The following PCDH7 variants were observed in gnomAD, a reference collection of about 807,000 sequenced individuals.
PCDH7 encodes protocadherin 7, also known as protocadherin-7.
Under a neutral mutation model 58.9 loss-of-function variants are expected in PCDH7, and 17 were observed. That is an observed-to-expected ratio of 0.29 (90% CI 0.20 to 0.43). PCDH7 has a LOEUF of 0.43. PCDH7 is among the 20% of genes least tolerant of loss of function. The pLI, the probability that PCDH7 is intolerant of heterozygous loss-of-function variation, is 1.00. For synonymous variants in PCDH7, 664 were observed against 616.4 expected, an observed-to-expected ratio of 1.08 and a Z score of -1.14; for missense variants, 1,274 against 1,441.0, an observed-to-expected ratio of 0.88 and a Z score of 1.88.
chr4:30,963,226 A>G (rs752311124), intron 3 of PCDH7, among the ~76,000 whole-genome samples: 9 of 152,212 alleles, frequency 5.9e-5, no homozygotes, highest in African/African-American at 1.7e-4. Flanking sequence ...GTATAAAATA[A>G]CATGCTGTAT....
At chr4:30,877,037 C>T (rs75986487) in intron 1 of PCDH7, among the ~76,000 whole-genome samples, 1,848 of 152,044 alleles carry the variant, frequency 0.012, 31 homozygotes, top group Admixed American at 0.039. Flanking sequence ...TTCTTGTTTT[C>T]AATTTTTTTC....
intron 1 of PCDH7, among the ~76,000 whole-genome samples, chr4:30,806,180 A>C (rs191432115): frequency 6.6e-6 from 1 of 152,160 alleles, no homozygotes; most frequent in Non-Finnish European, 1.5e-5. Context: ...AATAAAATCC[A>C]GTCCCCCAAA....
chr4:31,055,412 AG>A (rs1343204165), intron 3 of PCDH7, among the ~76,000 whole-genome samples: 2 of 152,126 alleles, frequency 1.3e-5, no homozygotes, highest in East Asian at 3.9e-4. Flanking sequence ...CATCTACAAA[AG>A]CTTTGGTAGT....
At chr4:30,733,692 C>A (rs1413157376), downstream of PCDH7, among the ~76,000 whole-genome samples, 7 of 152,072 alleles carry the variant, frequency 4.6e-5, no homozygotes, top group African/African-American at 1.4e-4. Context: ...AGGAAAAGCA[C>A]CAGTTTACCA....
At chr4:30,970,553 A>G (rs1749494238) in intron 3 of PCDH7, among the ~76,000 whole-genome samples, 1 of 152,168 alleles carries the variant, frequency 6.6e-6, no homozygotes, top group South Asian at 2.1e-4. Context: ...TCGGCCTCCC[A>G]AAGTGCTGGG....
intron 1 of PCDH7, among the ~76,000 whole-genome samples, chr4:30,812,041 G>A (rs1345892478): frequency 6.6e-6 from 1 of 152,210 alleles, no homozygotes; most frequent in Non-Finnish European, 1.5e-5. Context: ...GCAAAAGTAT[G>A]TGAATGAAAA....
chr4:30,918,355 G>T (rs1270838139), intron 1 of PCDH7, among the ~76,000 whole-genome samples: 1 of 151,946 alleles, frequency 6.6e-6, no homozygotes, highest in African/African-American at 2.4e-5. Context: ...GGTGAGGGTT[G>T]GGAGAAAAGA....
intron 3 of PCDH7, among the ~76,000 whole-genome samples, chr4:31,098,641 T>C (rs1007979564): frequency 2.0e-5 from 3 of 152,166 alleles, no homozygotes; most frequent in African/African-American, 7.2e-5. Context: ...GATTGTATTA[T>C]AAACACACAA....
chr4:31,017,813 A>C (rs889794702), intron 3 of PCDH7, among the ~76,000 whole-genome samples: 2 of 152,178 alleles, frequency 1.3e-5, no homozygotes, highest in Non-Finnish European at 2.9e-5. Context: ...CTTTGAATAT[A>C]GATACAATGA....
intron 1 of PCDH7, among the ~76,000 whole-genome samples, chr4:30,894,477 AAAAAAAAAAAAAAATATATATAT>A (rs1314602723): frequency 1.3e-3 from 64 of 50,906 alleles, no homozygotes; most frequent in Non-Finnish European, 2.0e-3. Flanking sequence ...AAAAAAAAAA[AAAAAAAAAAAAAAATATATATAT>A]ATATATATAT....
intron 1 of PCDH7, among the ~76,000 whole-genome samples, chr4:30,823,050 C>T (rs1435731007): frequency 6.6e-6 from 1 of 152,140 alleles, no homozygotes; most frequent in African/African-American, 2.4e-5. Context: ...ATGAGCTTTG[C>T]ACGGATATTC....
intron 1 of PCDH7, among the ~76,000 whole-genome samples, chr4:30,850,712 G>A (rs890684183): frequency 6.6e-6 from 1 of 151,930 alleles, no homozygotes; most frequent in African/African-American, 2.4e-5. Context: ...CCTATTCCAC[G>A]GCTGGACACT....
At chr4:30,724,335 G>C (rs1714292744) in exon 1 of PCDH7, 1 of 1,614,128 alleles carries the variant, frequency 6.2e-7, no homozygotes, top group African/African-American at 1.3e-5. Flanking sequence ...ATGAGAAGCT[G>C]TCAGACAGCC....
At chr4:30,880,487 G>C (rs375414011) in intron 1 of PCDH7, among the ~76,000 whole-genome samples, 2 of 152,086 alleles carry the variant, frequency 1.3e-5, no homozygotes, top group Non-Finnish European at 2.9e-5. Context: ...ATCAGTATTA[G>C]CACAGCTCAA....
chr4:30,811,459 G>T (rs866678345), intron 1 of PCDH7, among the ~76,000 whole-genome samples: 3 of 152,122 alleles, frequency 2.0e-5, no homozygotes, highest in African/African-American at 7.2e-5. Context: ...GCTGTTCTTT[G>T]CCTTCTTTGC....
intron 1 of PCDH7, among the ~76,000 whole-genome samples, chr4:30,771,581 A>G (rs567510920): frequency 1.3e-5 from 2 of 152,324 alleles, no homozygotes; most frequent in South Asian, 4.1e-4. Flanking sequence ...AAAGAAAAGT[A>G]CACAATTTTA....
At chr4:31,108,227 T>G (rs905000628) in intron 3 of PCDH7, among the ~76,000 whole-genome samples, 10 of 151,924 alleles carry the variant, frequency 6.6e-5, no homozygotes, top group Non-Finnish European at 1.2e-4. Context: ...AAGGTGAGTT[T>G]TTCTTTTCAA....
At chr4:30,724,865 A>T (rs1463970702) in intron 1 of PCDH7, 1 of 1,265,678 alleles carries the variant, frequency 7.9e-7, no homozygotes, top group African/African-American at 1.5e-5. Flanking sequence ...TTTGCACTTG[A>T]CATCCCTAAT....
intron 1 of PCDH7, among the ~76,000 whole-genome samples, chr4:30,766,859 A>G (rs1476687840): frequency 1.3e-5 from 2 of 152,130 alleles, no homozygotes; most frequent in Non-Finnish European, 2.9e-5. Flanking sequence ...AAATTGCAAT[A>G]TTTTAGAATT....
Sources: allele counts gnomAD v4.1 joint callset (sites outside exome capture counted in the v4.1 genomes callset), GRCh38; gene constraint gnomAD v4.1.1; transcripts MANE v1.5; gene names NCBI Gene and HGNC (gene_info 2026-07-23, HGNC 2026-07-21).